CDH4: variants seen among roughly 807,000 people sequenced by gnomAD.
CDH4 encodes the protein cadherin 4, also known as cadherin-4.
A neutral mutation model predicts 86.0 loss-of-function variants in CDH4; 33 were observed. The observed-to-expected ratio is 0.38, with a 90% CI of 0.29 to 0.51. The LOEUF is 0.51. Ranked by LOEUF, CDH4 falls within the 20% of genes least tolerant of loss-of-function variation. The pLI, the probability that CDH4 is intolerant of heterozygous loss-of-function variation, is 0.86. For missense variants in CDH4, 1,114 were observed against 1,307.4 expected, an observed-to-expected ratio of 0.85 and a Z score of 2.28; for synonymous variants, 555 against 549.4, an observed-to-expected ratio of 1.01 and a Z score of -0.14.
At position 61,252,437 on chromosome 20, in the gene CDH4, T is replaced by G; in HGVS notation, c.-77T>G. 4.9e-6 allele frequency: 3 copies of G among 611,026 alleles called. No homozygotes were observed. The highest frequency in any genetic ancestry group is 8.0e-4 in the Middle Eastern group (1 of 1,246). The allele number at this position is 611,026 out of a possible 1,614,324, so 37.9% of individuals were successfully genotyped here. ...GCGGCGGCGATCGGAGCGGCGGCGG[T>G]GGTCTCGGCGGCGGCGGCGGCGGCG... On this transcript the variant is annotated 5_prime_UTR_variant, in exon 1 of 16. Coordinates refer to ENST00000614565, the MANE Select transcript of CDH4 (RefSeq NM_001794.5). The surrounding 1 kb of genome is among the most constrained non-coding windows in gnomAD (Gnocchi z 4.4).
intron 1 of CDH4, among the ~76,000 whole-genome samples, chr20:61,253,310 G>C (rs1366124539): frequency 1.3e-5 from 2 of 151,646 alleles, no homozygotes; most frequent in Non-Finnish European, 2.9e-5. Context: ...GTCTCCCGCT[G>C]CCTCTGCAGA....
At chr20:61,281,193 A>G (rs1159217380) in intron 2 of CDH4, among the ~76,000 whole-genome samples, 1 of 152,100 alleles carries the variant, frequency 6.6e-6, no homozygotes. Context: ...GGTTCTCACC[A>G]AGGGCCGTGG....
intron 8 of CDH4, among the ~76,000 whole-genome samples, chr20:61,907,640 G>A (rs1369907550): frequency 1.3e-5 from 2 of 151,662 alleles, no homozygotes; most frequent in South Asian, 2.1e-4. Flanking sequence ...GGCTCAAAAC[G>A]TGTGATGAAG....
At chr20:61,402,120 G>A (rs1451295041) in intron 2 of CDH4, among the ~76,000 whole-genome samples, 2 of 152,176 alleles carry the variant, frequency 1.3e-5, no homozygotes, top group Non-Finnish European at 2.9e-5. Flanking sequence ...CAGAGCCGCT[G>A]TCTTAAAGCA....
intron 2 of CDH4, among the ~76,000 whole-genome samples, chr20:61,449,671 T>A (rs1452577394): frequency 1.3e-5 from 2 of 152,210 alleles, no homozygotes; most frequent in Non-Finnish European, 2.9e-5. Flanking sequence ...ACTTAAGAAC[T>A]TGAAATCACC....
chr20:61,330,424 GGT>G (rs1338042705), intron 2 of CDH4, among the ~76,000 whole-genome samples: 1 of 152,188 alleles, frequency 6.6e-6, no homozygotes, highest in Non-Finnish European at 1.5e-5. Flanking sequence ...GGCATGAGAT[GGT>G]ATCTCATTGT....
intron 2 of CDH4, among the ~76,000 whole-genome samples, chr20:61,607,571 AG>A (rs1157149031): frequency 6.6e-6 from 1 of 152,222 alleles, no homozygotes; most frequent in Non-Finnish European, 1.5e-5. Flanking sequence ...TAGAAAAAAA[AG>A]CATCTCTTTT....
intron 2 of CDH4, among the ~76,000 whole-genome samples, chr20:61,601,754 T>A (rs2427169): frequency 2.0e-3 from 301 of 152,184 alleles, no homozygotes; most frequent in African/African-American, 7.0e-3. Context: ...GCAGAGGAGA[T>A]GGATGCATTC....
chr20:61,255,048 G>T, intron 2 of CDH4, 111 bp downstream of exon 2: 1 of 724,898 alleles, frequency 1.4e-6, no homozygotes. Flanking sequence ...TCTGTGAAAT[G>T]ATGGTGGTGA....
chr20:61,539,800 T>A (rs6121674), intron 2 of CDH4, among the ~76,000 whole-genome samples: 7 of 152,064 alleles, frequency 4.6e-5, no homozygotes, highest in East Asian at 1.9e-4. Context: ...GCTCTTGACC[T>A]CCATGGCTTC....
intron 6 of CDH4, among the ~76,000 whole-genome samples, chr20:61,865,674 T>C (rs1007693906): frequency 6.6e-6 from 1 of 152,152 alleles, no homozygotes; most frequent in Non-Finnish European, 1.5e-5. Flanking sequence ...TTAGTGTAGA[T>C]GATAGCTGTC....
intron 2 of CDH4, among the ~76,000 whole-genome samples, chr20:61,647,576 T>TCCCA (rs2087078176): frequency 1.0e-5 from 1 of 95,874 alleles, no homozygotes; most frequent in Non-Finnish European, 2.1e-5. Context: ...TCTCCCTCCC[T>TCCCA]CCCCCTCTCC....
intron 9 of CDH4, among the ~76,000 whole-genome samples, chr20:61,920,270 C>T (rs1191328691): frequency 5.5e-5 from 6 of 109,272 alleles, no homozygotes; most frequent in Admixed American, 1.9e-4. Flanking sequence ...TGCATGGAAG[C>T]GTGTCATGAT....
chr20:61,751,160 A>G (rs1193893809), intron 3 of CDH4, among the ~76,000 whole-genome samples: 3 of 152,216 alleles, frequency 2.0e-5, no homozygotes, highest in Non-Finnish European at 4.4e-5. Flanking sequence ...GGTAGCCTAG[A>G]ACAAGAAAAA....
chr20:61,345,716 T>A (rs1047393589), intron 2 of CDH4, among the ~76,000 whole-genome samples: 1 of 152,148 alleles, frequency 6.6e-6, no homozygotes, highest in Non-Finnish European at 1.5e-5. Context: ...AGATCCTGAA[T>A]GGACAGCAAG....
At chr20:61,748,093 G>C (rs561800264) in intron 3 of CDH4, among the ~76,000 whole-genome samples, 3 of 151,626 alleles carry the variant, frequency 2.0e-5, no homozygotes, top group East Asian at 3.9e-4. Flanking sequence ...GGGGCGTTGT[G>C]GGGGGGTTGG....
chr20:61,883,972 A>C (rs1447791230), intron 7 of CDH4, among the ~76,000 whole-genome samples: 1 of 152,142 alleles, frequency 6.6e-6, no homozygotes, highest in Non-Finnish European at 1.5e-5. Flanking sequence ...TTGTGGATTT[A>C]GGAAGCAGAG....
intron 2 of CDH4, among the ~76,000 whole-genome samples, chr20:61,550,028 C>G (rs1222042829): frequency 6.6e-6 from 1 of 150,894 alleles, no homozygotes; most frequent in African/African-American, 2.5e-5. Flanking sequence ...CCTCCTTGTC[C>G]TGGCCTCCCT....
chr20:61,663,715 C>T lies in CDH4; in HGVS notation c.170-79848C>T, dbSNP rs2087288072. 6.6e-6 allele frequency among the ~76,000 whole-genome samples: 1 copy of T among 152,062 alleles called. No individual in the cohort carries two copies. The highest frequency in any genetic ancestry group is 1.5e-5 in the Non-Finnish European group (1 of 68,014). On this transcript the variant is annotated intron_variant, in intron 2 of 15. Transcript: ENST00000614565. This position sits in a 1 kb window ranked among gnomAD's most constrained non-coding sequence, Gnocchi z 5.0. The stretch of plus-strand genomic sequence containing the variant: ...GGGAGCTGGCGGTACTGAGGAAGGA[C>T]GTGCAGAACCAGGCAGGGCTGACAG...
Sources: gnomAD v4.1 joint callset for allele counts (sites outside exome capture counted in the v4.1 genomes callset) on GRCh38, gnomAD v4.1.1 for gene constraint, Gnocchi (gnomAD v3.1) non-coding constraint, MANE v1.5 for transcripts, NCBI Gene and HGNC (gene_info 2026-07-23, HGNC 2026-07-21) for gene names.